Variants in HEPH observed in about 807,000 individuals in gnomAD.
HEPH encodes the protein hephaestin.
Under a neutral mutation model 80.8 loss-of-function variants are expected in HEPH, and 69 were observed. That is an observed-to-expected ratio of 0.85 (90% CI 0.70 to 1.04). The LOEUF (loss-of-function observed/expected upper bound fraction) is 1.04, where lower values mean the gene tolerates loss of function less well. Among genes scored for constraint, HEPH ranks in the 50% least tolerant of loss-of-function variants. The pLI is 0.00. For synonymous variants in HEPH, 431 were observed against 322.8 expected (o/e 1.34, Z -3.60); for missense variants, 1,115 against 891.3 (o/e 1.25, Z -3.20).
At chrX:66,213,003 T>G (rs1424073005) in intron 15 of HEPH, among the ~76,000 whole-genome samples, 5 of 108,032 alleles carry the variant, frequency 4.6e-5, no homozygotes, top group African/African-American at 1.0e-4. Context: ...GTGTTTGTAG[T>G]TTTTTTTAAA....
chrX:66,250,335 C>G (rs761643106), intron 15 of HEPH, among the ~76,000 whole-genome samples: 11 of 111,758 alleles, frequency 9.8e-5, no homozygotes, highest in African/African-American at 3.2e-4. Flanking sequence ...TCAGACCAAG[C>G]CTAAACTCTT....
chrX:66,183,795 G>A (rs2087272900), intron 4 of HEPH, among the ~76,000 whole-genome samples: 1 of 8,600 alleles, frequency 1.2e-4, no homozygotes, highest in East Asian at 2.6e-3. Context: ...TGTGATGTTA[G>A]GGTGTCAATT....
chrX:66,174,802 A>G (rs774410994), intron 4 of HEPH, among the ~76,000 whole-genome samples: 18 of 111,576 alleles, frequency 1.6e-4, no homozygotes, highest in Non-Finnish European at 3.2e-4. Context: ...TTTGTTGGCC[A>G]TTTGTATATC....
intron 15 of HEPH, among the ~76,000 whole-genome samples, chrX:66,239,956 C>CATAAT (rs1349896565): frequency 9.0e-6 from 1 of 111,604 alleles, no homozygotes; most frequent in Admixed American, 9.5e-5. Context: ...ATCTTCTTCA[C>CATAAT]AATGGCATAT....
At chrX:66,204,654 A>T (rs902551956) in intron 13 of HEPH, among the ~76,000 whole-genome samples, 3 of 111,859 alleles carry the variant, frequency 2.7e-5, no homozygotes, top group Non-Finnish European at 5.6e-5. Context: ...TATGTTACTA[A>T]TTGATACTGA....
In HEPH at chrX:66,266,558, C is replaced by A. The variant is rs766265686; in HGVS notation, c.3363C>A (p.Leu1121=). 8.3e-7 allele frequency: 1 copy of A among 1,209,645 alleles called. No homozygotes were observed. The highest frequency in any genetic ancestry group is 1.8e-5 in the South Asian group (1 of 56,837). The part of the protein sequence containing the change: ...VLVAISVTLL[L]VVLALGGVVW... The stretch of plus-strand genomic sequence containing the variant: ...TTGCCATTAGTGTCACCCTTCTGCT[C>A]GTTGTTCTGGCTCTTGGTGGAGTGG... The change falls in exon 21 of 21, where the codon CTC becomes CTA. Residue 1121 remains leucine, a synonymous_variant. Transcript: ENST00000343002.
At chrX:66,258,003 TATTA>T (rs1367925803) in intron 17 of HEPH, among the ~76,000 whole-genome samples, 1 of 111,891 alleles carries the variant, frequency 8.9e-6, no homozygotes, top group African/African-American at 3.2e-5. Context: ...TTAATATCAT[TATTA>T]ATTCTATGCA....
chrX:66,235,945 A>G (rs2090344897), intron 15 of HEPH, among the ~76,000 whole-genome samples: 1 of 111,818 alleles, frequency 8.9e-6, no homozygotes, highest in South Asian at 3.7e-4. Context: ...GTTGGTGTAT[A>G]GGAATGCTAG....
chrX:66,178,792 G>A (rs1264898848), intron 4 of HEPH, among the ~76,000 whole-genome samples: 2 of 111,922 alleles, frequency 1.8e-5, no homozygotes, highest in Non-Finnish European at 3.8e-5. Flanking sequence ...TGATGGGGTT[G>A]TTTATTTTTT....
chrX:66,217,391 A>G (rs1252664174), intron 15 of HEPH, among the ~76,000 whole-genome samples: 1 of 111,964 alleles, frequency 8.9e-6, no homozygotes, highest in Non-Finnish European at 1.9e-5. Context: ...GCCTCCTCAA[A>G]CTAAACAATT....
chrX:66,202,462 A>G (rs931927874), intron 12 of HEPH, among the ~76,000 whole-genome samples: 1 of 111,757 alleles, frequency 8.9e-6, no homozygotes, highest in African/African-American at 3.3e-5. Flanking sequence ...CTTTTGATCG[A>G]CATTGAGTTT....
intron 15 of HEPH, among the ~76,000 whole-genome samples, chrX:66,210,154 C>A (rs2089032014): frequency 9.0e-6 from 1 of 111,393 alleles, no homozygotes; most frequent in Non-Finnish European, 1.9e-5. Flanking sequence ...GGAGGAAAAT[C>A]AAAATGAGAT....
chrX:66,218,802 A>C (rs886286700), intron 15 of HEPH, among the ~76,000 whole-genome samples: 1 of 108,777 alleles, frequency 9.2e-6, no homozygotes, highest in Non-Finnish European at 1.9e-5. Flanking sequence ...AGAACAGGAC[A>C]GGGATTTTTA....
intron 20 of HEPH, among the ~76,000 whole-genome samples, chrX:66,264,530 G>A (rs1427549758): frequency 9.2e-6 from 1 of 109,146 alleles, no homozygotes; most frequent in Admixed American, 9.9e-5. Context: ...GGTCCAAATA[G>A]TGTTGTTATT....
intron 12 of HEPH, among the ~76,000 whole-genome samples, chrX:66,200,976 G>A (rs1357773713): frequency 8.9e-6 from 1 of 111,779 alleles, no homozygotes; most frequent in Non-Finnish European, 1.9e-5. Flanking sequence ...GGTGGAGGAA[G>A]CTCTTTTCTG....
At chrX:66,201,911 G>A (rs2088480596) in intron 12 of HEPH, among the ~76,000 whole-genome samples, 2 of 112,008 alleles carry the variant, frequency 1.8e-5, no homozygotes, top group African/African-American at 3.2e-5. Context: ...AGATAACGGT[G>A]GTAAGGGAAA....
intron 11 of HEPH, 69 bp downstream of exon 11, chrX:66,199,097 A>G: frequency 9.6e-7 from 1 of 1,041,194 alleles, no homozygotes; most frequent in African/African-American, 1.8e-5. Flanking sequence ...AACCGTAATC[A>G]TGACCAATCC....
At chrX:66,232,526 C>T (rs2090191627) in intron 15 of HEPH, among the ~76,000 whole-genome samples, 1 of 110,748 alleles carries the variant, frequency 9.0e-6, no homozygotes, top group Admixed American at 9.6e-5. Flanking sequence ...ATATAATGTC[C>T]GTATGAAATC....
intron 4 of HEPH, among the ~76,000 whole-genome samples, chrX:66,180,640 TC>T (rs2087073783): frequency 2.3e-5 from 2 of 87,143 alleles, no homozygotes; most frequent in Admixed American, 1.1e-4. Flanking sequence ...TTTTTTTTTT[TC>T]ACAGCTGTAT....
Sources: gnomAD v4.1 joint callset for allele counts (sites outside exome capture counted in the v4.1 genomes callset) on GRCh38, gnomAD v4.1.1 for gene constraint, MANE v1.5 for transcripts, NCBI Gene and HGNC (gene_info 2026-07-23, HGNC 2026-07-21) for gene names.